Variants in CACNA1E observed in about 807,000 individuals in gnomAD.
CACNA1E encodes the protein voltage-dependent R-type calcium channel subunit alpha-1E.
In CACNA1E, 40 loss-of-function variants were observed where a neutral mutation model predicts 259.2. The ratio of observed to expected loss-of-function variants is 0.15; its 90% confidence interval spans 0.12 to 0.20. CACNA1E has a LOEUF of 0.20. Among genes scored for constraint, CACNA1E ranks in the 10% least tolerant of loss-of-function variants. The probability of loss-of-function intolerance (pLI) is 1.00; values close to 1 mark genes in which losing one functional copy is unlikely to be tolerated. For synonymous variants in CACNA1E, 1,104 were observed against 1,138.5 expected, an observed-to-expected ratio of 0.97 and a Z score of 0.61; for missense variants, 1,874 against 3,040.1, an observed-to-expected ratio of 0.62 and a Z score of 9.02.
chr1:181,724,004 AG>A (rs1230583516), intron 16 of CACNA1E, among the ~76,000 whole-genome samples: 1 of 152,108 alleles, frequency 6.6e-6, no homozygotes, highest in Non-Finnish European at 1.5e-5. Flanking sequence ...ACCCCTCCCC[AG>A]GGGTTGTGGG....
chr1:181,425,054 C>A (rs920339903), intron 2 of CACNA1E, among the ~76,000 whole-genome samples: 1 of 152,212 alleles, frequency 6.6e-6, no homozygotes. Context: ...CGCCCTCTAG[C>A]GCCAGCTGCT....
intron 6 of CACNA1E, among the ~76,000 whole-genome samples, chr1:181,617,535 G>A (rs899502927): frequency 5.3e-5 from 8 of 152,110 alleles, no homozygotes; most frequent in Non-Finnish European, 7.4e-5. Context: ...CCTATCTGAC[G>A]ATGATTTAGC....
intron 7 of CACNA1E, among the ~76,000 whole-genome samples, chr1:181,661,651 T>G (rs148267815): frequency 1.2e-3 from 184 of 152,338 alleles, no homozygotes; most frequent in Admixed American, 3.0e-3. Flanking sequence ...GGGTTTGTTT[T>G]AAGTTGTTTT....
chr1:181,536,110 A>G (rs1270311844), intron 3 of CACNA1E, among the ~76,000 whole-genome samples: 1 of 151,990 alleles, frequency 6.6e-6, no homozygotes, highest in African/African-American at 2.4e-5. Context: ...GTTTCTATTT[A>G]TTTTTATTTT....
At position 181,506,072 on chromosome 1, in the gene CACNA1E, T is replaced by C. The variant is rs1351147672; in HGVS notation, c.267-4405T>C. Among the ~76,000 whole-genome samples, 3 of 152,024 alleles carry C rather than the reference T, an allele frequency of 2.0e-5. No individual in the cohort carries two copies. The East Asian group carries it at 5.8e-4, about 29-fold the overall frequency. On this transcript the variant is annotated intron_variant, in intron 1 of 47. Coordinates refer to ENST00000367573, the MANE Select transcript of CACNA1E (RefSeq NM_001205293.3). ...AATATGCACAGTGTCAGGCACAGAG[T>C]GTAATGAGTGTCACTGAATTCTAGA...
In CACNA1E at chr1:181,801,595, T is replaced by C. The variant is rs1006768009; in HGVS notation, c.*2761T>C. ...TGAGTCACAAACTCATCATCTTGTT[T>C]GGTGTTCTGCTGCCTCTGAACAAAA... is the stretch of plus-strand genomic sequence containing the variant. On this transcript the variant is annotated 3_prime_UTR_variant, in exon 48 of 48. Coordinates refer to ENST00000367573, the MANE Select transcript of CACNA1E (RefSeq NM_001205293.3). 1.3e-5 allele frequency: 2 copies of C among 152,246 alleles called. No homozygotes were observed. Among genetic ancestry groups the C allele is most frequent in the Non-Finnish European group, 1.5e-5 (1 of 68,046 alleles). 9.4% of individuals were successfully genotyped at this position (152,246 alleles called of 1,614,324 possible).
chr1:181,573,631 G>C (rs547583534), intron 3 of CACNA1E, among the ~76,000 whole-genome samples: 66 of 152,256 alleles, frequency 4.3e-4, no homozygotes, highest in African/African-American at 1.5e-3. Flanking sequence ...AAAAAGTCAA[G>C]GAAAAACAGA....
Position 181,753,420 on chromosome 1 carries a change from C to T in CACNA1E, c.3828+1181C>T, listed in dbSNP as rs1380936637. On this transcript the variant is annotated intron_variant, in intron 27 of 47. Coordinates refer to ENST00000367573, the MANE Select transcript of CACNA1E (RefSeq NM_001205293.3). ...CCCTGTCAATATTAAAAAGAACCCACTTGAGTGCGAGGCTCAGCTCTAGGA... is the reference window on the plus strand; with the variant it reads ...CCCTGTCAATATTAAAAAGAACCCATTTGAGTGCGAGGCTCAGCTCTAGGA... Among the ~76,000 whole-genome samples, 9 of 152,352 alleles carry T rather than the reference C, an allele frequency of 5.9e-5. No homozygotes were observed. In the East Asian group the frequency reaches 1.7e-3, roughly 29 times the overall value.
chr1:181,367,280 C>G (rs1029564603), intron 1 of CACNA1E, among the ~76,000 whole-genome samples: 2 of 152,036 alleles, frequency 1.3e-5, no homozygotes, highest in Non-Finnish European at 2.9e-5. Flanking sequence ...TTAAGAAGCT[C>G]TTTTTTGAGT....
chr1:181,482,954 C>T (rs527263468), upstream of CACNA1E, among the ~76,000 whole-genome samples: 1 of 152,404 alleles, frequency 6.6e-6, no homozygotes, highest in East Asian at 1.9e-4. Flanking sequence ...GGATGCTGCT[C>T]AACTTCTAGC....
chr1:181,391,947 G>C (rs61812684), intron 1 of CACNA1E, among the ~76,000 whole-genome samples: 2,099 of 114,236 alleles, frequency 0.018, 14 homozygotes, highest in South Asian at 0.038. Context: ...CTCTCTCTCT[G>C]TGTGTGTGTG....
chr1:181,584,942 G>A (rs183878834), intron 6 of CACNA1E, among the ~76,000 whole-genome samples: 1 of 152,294 alleles, frequency 6.6e-6, no homozygotes, highest in Admixed American at 6.5e-5. Flanking sequence ...GACTGGTATT[G>A]TAGATACTGT....
At chr1:181,708,618 CAT>C (rs1653031471) in intron 7 of CACNA1E, among the ~76,000 whole-genome samples, 1 of 152,164 alleles carries the variant, frequency 6.6e-6, no homozygotes, top group East Asian at 1.9e-4. Context: ...GGTAAAGTAA[CAT>C]ATAAAAATGC....
chr1:181,367,870 T>G (rs1177488382), intron 1 of CACNA1E, among the ~76,000 whole-genome samples: 1 of 152,190 alleles, frequency 6.6e-6, no homozygotes, highest in African/African-American at 2.4e-5. Context: ...TAATGCTTTA[T>G]TTCTCATATA....
At position 181,772,195 on chromosome 1, in the gene CACNA1E, G is replaced by A; in HGVS notation, c.5103G>A (p.Val1701=). ...GCTGCGGCACCGATCTGGCCTACGT[G>A]TACTTTGTCTCCTTCATCTTCTTCT... ...NERCGTDLAY[V]YFVSFIFFCS... is the part of the protein sequence containing the mutation. The change falls in exon 37 of 48, where the codon GTG becomes GTA. Residue 1701 remains valine (V), a synonymous_variant. Transcript: ENST00000367573. The A allele has an allele frequency of 6.2e-7, 1 of 1,613,904 alleles. No homozygotes were observed. The highest frequency in any genetic ancestry group is 8.5e-7 in the Non-Finnish European group (1 of 1,179,822).
chr1:181,638,869 G>A (rs181889052), intron 6 of CACNA1E, among the ~76,000 whole-genome samples: 15 of 152,276 alleles, frequency 9.9e-5, no homozygotes, highest in Middle Eastern at 3.4e-3. Flanking sequence ...TACCATGATT[G>A]TAAGTTTCCT....
intron 2 of CACNA1E, among the ~76,000 whole-genome samples, chr1:181,469,743 G>T (rs1558028308): frequency 1.3e-5 from 2 of 152,076 alleles, no homozygotes; most frequent in African/African-American, 4.8e-5. Context: ...TGAAGGAGCA[G>T]TTAGGGAGGT....
chr1:181,636,842 C>T (rs1309830192), intron 6 of CACNA1E, among the ~76,000 whole-genome samples: 1 of 152,178 alleles, frequency 6.6e-6, no homozygotes, highest in Admixed American at 6.5e-5. Flanking sequence ...ATCTAGAGAA[C>T]CAGGGTCACT....
At chr1:181,720,141 A>G in intron 13 of CACNA1E, 65 bp from the exon 14 acceptor site, 1 of 1,591,954 alleles carries the variant, frequency 6.3e-7, no homozygotes, top group South Asian at 1.1e-5. Context: ...GCATATGCTG[A>G]GCTGGGCTTG....
Sources: gnomAD v4.1 joint callset for allele counts (sites outside exome capture counted in the v4.1 genomes callset) on GRCh38, gnomAD v4.1.1 for gene constraint, MANE v1.5 for transcripts, NCBI Gene and HGNC (gene_info 2026-07-23, HGNC 2026-07-21) for gene names.